Variants in CRYBG1 observed in about 807,000 individuals in gnomAD.
CRYBG1 encodes beta/gamma crystallin domain-containing protein 1.
A neutral mutation model predicts 189.2 loss-of-function variants in CRYBG1; 139 were observed. That is an observed-to-expected ratio of 0.73 (90% CI 0.64 to 0.85). The LOEUF is 0.85. CRYBG1 is among the 40% of genes least tolerant of loss of function. CRYBG1 has a pLI of 0.00. For missense variants in CRYBG1, 2,611 were observed against 2,675.8 expected (o/e 0.98, Z 0.53); for synonymous variants, 1,023 against 1,017.1 (o/e 1.01, Z -0.11).
chr6:106,411,914 T>A (rs1343309541), intron 1 of CRYBG1, among the ~76,000 whole-genome samples: 1 of 152,094 alleles, frequency 6.6e-6, no homozygotes. Flanking sequence ...GAGCAAGAGG[T>A]CCCAGCAAGC....
rs1379017287 is a variant in CRYBG1 at position 106,517,429 on chromosome 6, TACAC to T, written c.1923-1694_1923-1691del. Among the ~76,000 whole-genome samples the T allele has an allele frequency of 4.6e-5, 5 of 108,170 alleles. No individual in the cohort carries two copies. In the East Asian group the frequency reaches 1.0e-3, roughly 22 times the overall value. The allele number at this position is 108,170 out of a possible 152,430, so 71.0% of individuals were successfully genotyped here. On this transcript the variant is annotated intron_variant, in intron 3 of 21. Transcript: ENST00000633556. ...ACACACACATATATACACATATATA[TACAC>T]ACACACATATATATACACACATATA...
Position 106,563,803 on chromosome 6 carries a change from G to C in CRYBG1, c.6178G>C (p.Val2060Leu). ...CTGCCTGACGATTGTGGGCAGCCTG[G>C]TAACATCTGGCTCCAAGCTAGGCCT... is the stretch of plus-strand genomic sequence containing the variant. ...DCCLTIVGSL[V>L]TSGSKLGLAL... The change falls in exon 21 of 22, where the codon GTA becomes CTA. Residue 2060 changes from valine to leucine, a missense_variant. By Grantham distance (32) the Val-to-Leu change is conservative. This residue lies in a region of CRYBG1 where 1,622 missense variants were observed against 1,735.0 expected (regional missense o/e 0.93). Coordinates refer to ENST00000633556, the MANE Select transcript of CRYBG1 (RefSeq NM_001371242.2). 1 of 1,611,906 alleles carries C rather than the reference G, an allele frequency of 6.2e-7. No homozygotes were observed. Among genetic ancestry groups the C allele is most frequent in the Non-Finnish European group, 8.5e-7 (1 of 1,178,078 alleles).
At chr6:106,542,821 G>A (rs1352244562) in intron 10 of CRYBG1, among the ~76,000 whole-genome samples, 1 of 139,138 alleles carries the variant, frequency 7.2e-6, no homozygotes, top group Non-Finnish European at 1.5e-5. Context: ...GCTAATTTTT[G>A]TATTTTTAGC....
chr6:106,389,614 AT>A (rs946193448), intron 1 of CRYBG1, among the ~76,000 whole-genome samples: 30 of 152,022 alleles, frequency 2.0e-4, no homozygotes, highest in Non-Finnish European at 1.2e-4. Flanking sequence ...AAAAATAGCA[AT>A]TTTTTACCTC....
chr6:106,525,273 G>C lies in CRYBG1; in HGVS notation c.4299G>C (p.Val1433=). ...CCACTTTCGTTTTCTTGCAGGTAGT[G>C]ATATATAGTGAACCCGACGTCTCTG... ...NKLNPRPGKV[V]IYSEPDVSEK... Residue 1433 remains valine (V), a synonymous_variant, in exon 6 of 22, where the codon GTG becomes GTC. Coordinates refer to ENST00000633556, the MANE Select transcript of CRYBG1 (RefSeq NM_001371242.2). 1 of 1,614,076 alleles carries C rather than the reference G, an allele frequency of 6.2e-7. No individual in the cohort carries two copies. Among genetic ancestry groups the C allele is most frequent in the East Asian group, 2.2e-5 (1 of 44,858 alleles).
intron 2 of CRYBG1, among the ~76,000 whole-genome samples, chr6:106,459,759 C>A (rs1355641080): frequency 6.6e-6 from 1 of 151,370 alleles, no homozygotes; most frequent in African/African-American, 2.4e-5. Context: ...TTTTTTTGGT[C>A]AGTTATTTTT....
chr6:106,432,980 T>C (rs923808128), intron 1 of CRYBG1, among the ~76,000 whole-genome samples: 2 of 151,580 alleles, frequency 1.3e-5, no homozygotes, highest in African/African-American at 4.8e-5. Flanking sequence ...GCTGGAACTA[T>C]AGGCAGGCGC....
intron 1 of CRYBG1, among the ~76,000 whole-genome samples, chr6:106,428,664 G>A (rs562830370): frequency 7.2e-5 from 11 of 152,316 alleles, no homozygotes; most frequent in African/African-American, 2.4e-4. Context: ...AGGTGATACA[G>A]TTAGACACGG....
chr6:106,482,014 C>T (rs115041638), intron 2 of CRYBG1, among the ~76,000 whole-genome samples: 2,867 of 118,908 alleles, frequency 0.024, 100 homozygotes, highest in African/African-American at 0.094. Flanking sequence ...TATTTATGTG[C>T]GTGATACACT....
chr6:106,408,053 A>G (rs1004323857), intron 1 of CRYBG1, among the ~76,000 whole-genome samples: 1 of 152,204 alleles, frequency 6.6e-6, no homozygotes, highest in African/African-American at 2.4e-5. Flanking sequence ...TAGAGACAGG[A>G]AAAACCCTTC....
At chr6:106,462,701 A>C (rs1234593981) in intron 2 of CRYBG1, among the ~76,000 whole-genome samples, 1 of 152,230 alleles carries the variant, frequency 6.6e-6, no homozygotes, top group Non-Finnish European at 1.5e-5. Flanking sequence ...TAAATCACAA[A>C]GATGCTTTGA....
intron 1 of CRYBG1, among the ~76,000 whole-genome samples, chr6:106,361,955 T>TTCTTTCTTTCTTTCTTTC (rs1259918495): frequency 2.2e-5 from 2 of 91,298 alleles, no homozygotes; most frequent in African/African-American, 1.1e-4. Context: ...GGTTTTCCTT[T>TTCTTTCTTTCTTTCTTTC]TATTTCTTTC....
At chr6:106,403,628 C>T (rs924185209) in intron 1 of CRYBG1, among the ~76,000 whole-genome samples, 6 of 152,180 alleles carry the variant, frequency 3.9e-5, no homozygotes, top group East Asian at 3.8e-4. Flanking sequence ...TATACACACA[C>T]GCACTTGAAA....
intron 3 of CRYBG1, among the ~76,000 whole-genome samples, chr6:106,514,097 G>T (rs1473015528): frequency 6.6e-6 from 1 of 152,194 alleles, no homozygotes; most frequent in Non-Finnish European, 1.5e-5. Flanking sequence ...GGAAGTGCTA[G>T]CGAGCAAGAA....
At chr6:106,559,359 TATAAAA>T (rs1298179466) in intron 18 of CRYBG1, among the ~76,000 whole-genome samples, 2 of 152,226 alleles carry the variant, frequency 1.3e-5, no homozygotes, top group Non-Finnish European at 2.9e-5. Context: ...TTGAATAAGA[TATAAAA>T]ATGAATGAGT....
chr6:106,501,925 G>A (rs181076860), intron 2 of CRYBG1, among the ~76,000 whole-genome samples: 12 of 152,288 alleles, frequency 7.9e-5, no homozygotes, highest in Admixed American at 4.6e-4. Flanking sequence ...CTGAAGTTAT[G>A]AGGTCTCAAG....
chr6:106,445,330 G>A (rs1005826867), intron 1 of CRYBG1, among the ~76,000 whole-genome samples: 4 of 152,132 alleles, frequency 2.6e-5, no homozygotes, highest in African/African-American at 9.7e-5. Flanking sequence ...GAGTTGGGTG[G>A]GTTCTCTACT....
chr6:106,558,637 A>C lies in CRYBG1; in HGVS notation c.5855+12A>C. 6.3e-7 allele frequency: 1 copy of C among 1,593,106 alleles called. No homozygotes were observed. Among genetic ancestry groups the C allele is most frequent in the Non-Finnish European group, 8.5e-7 (1 of 1,171,988 alleles). ...GTTATTGGTGGCATGTGAGTTACCT[A>C]CTTGTTGACTCAATAAAATAGATCA... On this transcript the variant is annotated intron_variant, in intron 18 of 21. Coordinates refer to ENST00000633556, the MANE Select transcript of CRYBG1 (RefSeq NM_001371242.2).
chr6:106,429,671 C>G (rs1251114064), intron 1 of CRYBG1, among the ~76,000 whole-genome samples: 19 of 152,216 alleles, frequency 1.2e-4, no homozygotes, highest in Admixed American at 1.2e-3. Flanking sequence ...CGGACAGGTT[C>G]AGATCCCAGC....
Sources: gnomAD v4.1 joint callset for allele counts (sites outside exome capture counted in the v4.1 genomes callset) on GRCh38, gnomAD v4.1.1 for gene constraint, gnomAD v4.1.1 regional missense constraint, MANE v1.5 for transcripts, NCBI Gene and HGNC (gene_info 2026-07-23, HGNC 2026-07-21) for gene names.